The following DENND2B variants were observed in gnomAD, a reference collection of about 807,000 sequenced individuals.
DENND2B encodes the protein DENN domain-containing protein 2B.
In DENND2B, 32 loss-of-function variants were observed where a neutral mutation model predicts 116.0. The observed-to-expected ratio is 0.28, with a 90% CI of 0.21 to 0.37. The LOEUF (loss-of-function observed/expected upper bound fraction) is 0.37. Ranked by LOEUF, DENND2B falls within the 10% of genes least tolerant of loss-of-function variation. The pLI is 1.00. For missense variants in DENND2B, 1,276 were observed against 1,477.7 expected (o/e 0.86, Z 2.24); for synonymous variants, 588 against 583.9 (o/e 1.01, Z -0.10).
chr11:8,809,289 G>A (rs967898663), intron 1 of DENND2B: 5 of 152,202 alleles, frequency 3.3e-5, no homozygotes, highest in Admixed American at 2.6e-4. Context: ...AAGCTGATCC[G>A]AAGTTAATCA....
intron 1 of DENND2B, among the ~76,000 whole-genome samples, chr11:8,889,555 T>G (rs1158716770): frequency 6.6e-6 from 1 of 152,210 alleles, no homozygotes; most frequent in African/African-American, 2.4e-5. Flanking sequence ...AATACTGCAC[T>G]TTTCCAATGG....
At chr11:8,852,790 C>G (rs1024660503) in intron 3 of DENND2B, among the ~76,000 whole-genome samples, 2 of 152,132 alleles carry the variant, frequency 1.3e-5, no homozygotes, top group African/African-American at 4.8e-5. Flanking sequence ...GACTGAACAC[C>G]CTGAGGCAGC....
At chr11:8,765,387 T>G (rs2055526834) in intron 1 of DENND2B, among the ~76,000 whole-genome samples, 1 of 152,226 alleles carries the variant, frequency 6.6e-6, no homozygotes, top group South Asian at 2.1e-4. Context: ...GCTAAATATT[T>G]TAAATCTTTG....
intron 2 of DENND2B, among the ~76,000 whole-genome samples, chr11:8,749,049 A>G (rs1460464782): frequency 1.3e-5 from 2 of 152,184 alleles, no homozygotes; most frequent in Non-Finnish European, 2.9e-5. Context: ...ACAATCACAT[A>G]TATTTGTTTC....
intron 2 of DENND2B, among the ~76,000 whole-genome samples, chr11:8,857,711 T>G (rs2063242982): frequency 6.6e-6 from 1 of 152,194 alleles, no homozygotes; most frequent in South Asian, 2.1e-4. Context: ...GGCAGCACTG[T>G]GTAGAAGAAA....
In DENND2B at chr11:8,770,552, G is replaced by A. The variant is rs942566738; in HGVS notation, c.-25-19827C>T. On this transcript the variant is annotated intron_variant, in intron 1 of 19. Transcript: ENST00000313726. ...ACCACCCAGAATCCTCAATTCCAAA[G>A]CTACAGCTCTTTTCCTTCTATCCTG... Among the ~76,000 whole-genome samples, 6 of 152,098 alleles carry A rather than the reference G, an allele frequency of 3.9e-5. No individual in the cohort carries two copies. In the East Asian group the frequency reaches 1.2e-3, roughly 29 times the overall value.
intron 2 of DENND2B, among the ~76,000 whole-genome samples, chr11:8,860,529 GA>G (rs2063355639): frequency 6.6e-6 from 1 of 152,016 alleles, no homozygotes; most frequent in Non-Finnish European, 1.5e-5. Context: ...AAACGCTGCT[GA>G]AAGAAACCAC....
At chr11:8,899,209 G>A (rs2064136256) in intron 1 of DENND2B, among the ~76,000 whole-genome samples, 1 of 152,022 alleles carries the variant, frequency 6.6e-6, no homozygotes, top group Non-Finnish European at 1.5e-5. Flanking sequence ...AAGCCTCAGA[G>A]ATTTGAGAGA....
At chr11:8,885,311 A>G (rs184955415) in intron 1 of DENND2B, among the ~76,000 whole-genome samples, 2 of 152,366 alleles carry the variant, frequency 1.3e-5, no homozygotes, top group East Asian at 3.9e-4. Flanking sequence ...ACGGCTGCCT[A>G]TAGTTCTAGT....
chr11:8,854,404 G>A (rs1335530051), intron 3 of DENND2B, among the ~76,000 whole-genome samples: 1 of 151,882 alleles, frequency 6.6e-6, no homozygotes, highest in Non-Finnish European at 1.5e-5. Context: ...GTTTCACCAT[G>A]TTGGCCAGGC....
chr11:8,844,563 T>A (rs2062739439), intron 3 of DENND2B, among the ~76,000 whole-genome samples: 1 of 85,810 alleles, frequency 1.2e-5, no homozygotes. Context: ...TGTTAACTCT[T>A]ACTTCCTTTT....
At chr11:8,804,031 G>T (rs1440092526) in intron 1 of DENND2B, among the ~76,000 whole-genome samples, 1 of 152,220 alleles carries the variant, frequency 6.6e-6, no homozygotes, top group Non-Finnish European at 1.5e-5. Flanking sequence ...AGCAGTTCTG[G>T]ATGGACGGGT....
upstream of DENND2B, chr11:8,810,800 C>CTT: frequency 6.7e-6 from 1 of 149,258 alleles, no homozygotes; most frequent in Non-Finnish European, 1.5e-5. Context: ...TTCTTTCTTT[C>CTT]TCACTGTCTC....
chr11:8,837,012 G>A (rs1226065244), intron 4 of DENND2B, among the ~76,000 whole-genome samples: 1 of 152,034 alleles, frequency 6.6e-6, no homozygotes, highest in Non-Finnish European at 1.5e-5. Flanking sequence ...CACCATGCCC[G>A]GCCCTCAGTA....
At chr11:8,719,161 AG>A in intron 4 of DENND2B, 1 of 985,702 alleles carries the variant, frequency 1.0e-6, no homozygotes, top group Non-Finnish European at 1.2e-6. Context: ...CTGGAGGACG[AG>A]GAACAAAGGC....
At chr11:8,760,938 C>G (rs1038036573) in intron 1 of DENND2B, among the ~76,000 whole-genome samples, 3 of 152,132 alleles carry the variant, frequency 2.0e-5, no homozygotes, top group Non-Finnish European at 4.4e-5. Flanking sequence ...TTTGTTGTTG[C>G]ATAATAATCA....
At chr11:8,857,256 C>T (rs2568055) in intron 3 of DENND2B, 140,721 of 152,228 alleles carry the variant, frequency 0.92, 66,045 homozygotes, top group East Asian at 1. Flanking sequence ...CTGATAATTT[C>T]ATGTCATCTT....
chr11:8,721,754 T>C (rs994785357), intron 4 of DENND2B, among the ~76,000 whole-genome samples: 1 of 152,226 alleles, frequency 6.6e-6, no homozygotes, highest in African/African-American at 2.4e-5. Context: ...GTGGGTGCCC[T>C]CTGCTCCTTA....
At chr11:8,766,589 C>T in intron 1 of DENND2B, 1 of 1,286,482 alleles carries the variant, frequency 7.8e-7, no homozygotes, top group Non-Finnish European at 1.0e-6. Flanking sequence ...AGACCATCCA[C>T]TGAAAGGCCA....
Sources: allele counts gnomAD v4.1 joint callset (sites outside exome capture counted in the v4.1 genomes callset), GRCh38; gene constraint gnomAD v4.1.1; transcripts MANE v1.5; gene names NCBI Gene and HGNC (gene_info 2026-07-23, HGNC 2026-07-21).